The following FCHO2 variants were observed in gnomAD, a reference collection of about 807,000 sequenced individuals.
FCHO2 encodes FCH and mu domain containing endocytic adaptor 2.
Under a neutral mutation model 114.1 loss-of-function variants are expected in FCHO2, and 43 were observed. The observed-to-expected ratio is 0.38, with a 90% CI of 0.30 to 0.49. FCHO2 has a LOEUF of 0.49. Ranked by LOEUF, FCHO2 falls within the 20% of genes least tolerant of loss-of-function variation. The pLI is 0.97. For synonymous variants in FCHO2, 293 were observed against 315.2 expected (o/e 0.93, Z 0.75); for missense variants, 807 against 950.4 (o/e 0.85, Z 1.98).
chr5:73,015,241 A>G (rs1311277316), intron 6 of FCHO2, among the ~76,000 whole-genome samples: 1 of 151,892 alleles, frequency 6.6e-6, no homozygotes, highest in Non-Finnish European at 1.5e-5. Flanking sequence ...GGTAACTTGG[A>G]AAATTTGGTT....
chr5:72,960,328 C>T (rs72764829), intron 1 of FCHO2, among the ~76,000 whole-genome samples: 23,469 of 152,076 alleles, frequency 0.15, 1,896 homozygotes, highest in Middle Eastern at 0.2. Context: ...TATTCAAAAC[C>T]TTTTACAGAA....
chr5:73,052,391 A>G lies in FCHO2; in HGVS notation c.1057A>G (p.Lys353Glu). 1 of 1,608,214 alleles carries G rather than the reference A, an allele frequency of 6.2e-7. No homozygotes were observed. Among genetic ancestry groups the G allele is most frequent in the Middle Eastern group, 1.7e-4 (1 of 6,056 alleles). The stretch of plus-strand genomic sequence containing the variant: ...TTCTGACTCCGAAGATGAAGAACCA[A>G]AGAAGTATCGGATAGAAATTAAGCC... Reference protein sequence around the residue: ...SDSDSEDEEPKKYRIEIKPMH... With the variant: ...SDSDSEDEEPEKYRIEIKPMH... Residue 353 changes from lysine (K) to glutamate (E), a missense_variant, in exon 13 of 26, where the codon AAG becomes GAG. By Grantham distance (56) the Lys-to-Glu change is moderately conservative (BLOSUM62 1). Coordinates refer to ENST00000430046, the MANE Select transcript of FCHO2 (RefSeq NM_138782.3).
chr5:73,057,973 A>G (rs1757675381), intron 16 of FCHO2, among the ~76,000 whole-genome samples: 1 of 152,168 alleles, frequency 6.6e-6, no homozygotes, highest in African/African-American at 2.4e-5. Context: ...TAATTTCTAC[A>G]CATATACTAC....
chr5:73,008,220 A>G (rs1217904790), intron 6 of FCHO2, among the ~76,000 whole-genome samples: 2 of 152,192 alleles, frequency 1.3e-5, no homozygotes, highest in Non-Finnish European at 2.9e-5. Context: ...GGGATGTGAC[A>G]TGATCTGATC....
intron 1 of FCHO2, among the ~76,000 whole-genome samples, chr5:72,962,531 C>T (rs531093024): frequency 6.6e-6 from 1 of 151,914 alleles, no homozygotes; most frequent in African/African-American, 2.4e-5. Context: ...AAATAGGATC[C>T]CATGGAAACT....
chr5:73,017,100 G>T (rs958651290), intron 7 of FCHO2, 112 bp from the exon 8 acceptor site: 1 of 650,992 alleles, frequency 1.5e-6, no homozygotes, highest in Non-Finnish European at 2.4e-6. Flanking sequence ...AGGGCCTTGG[G>T]TCAAAAATAC....
intron 1 of FCHO2, 119 bp downstream of exon 1, chr5:72,956,248 T>C: frequency 7.4e-7 from 1 of 1,351,762 alleles, no homozygotes; most frequent in Non-Finnish European, 1.0e-6. Flanking sequence ...AGCGTCCTCC[T>C]GCCGCGTCCC....
intron 19 of FCHO2, among the ~76,000 whole-genome samples, chr5:73,069,742 C>T (rs1742545039): frequency 6.6e-6 from 1 of 152,022 alleles, no homozygotes; most frequent in Non-Finnish European, 1.5e-5. Context: ...CTATATGAAC[C>T]TAAACCTCAC....
chr5:73,083,312 T>C (rs917649876), intron 24 of FCHO2, among the ~76,000 whole-genome samples: 1 of 152,214 alleles, frequency 6.6e-6, no homozygotes, highest in African/African-American at 2.4e-5. Flanking sequence ...ACCTTTAGAA[T>C]GGACCAGCTG....
intron 10 of FCHO2, among the ~76,000 whole-genome samples, chr5:73,040,647 T>C (rs1188167001): frequency 6.6e-6 from 1 of 152,206 alleles, no homozygotes; most frequent in African/African-American, 2.4e-5. Context: ...GTTTATCAGT[T>C]AAATGATAGA....
chr5:73,029,220 A>G (rs1248009652), intron 8 of FCHO2, among the ~76,000 whole-genome samples: 1 of 152,236 alleles, frequency 6.6e-6, no homozygotes, highest in Admixed American at 6.5e-5. Context: ...GGGTTTTGGC[A>G]TGAGTAACTG....
chr5:73,030,671 T>C (rs911617217), intron 8 of FCHO2, among the ~76,000 whole-genome samples: 1 of 152,190 alleles, frequency 6.6e-6, no homozygotes, highest in African/African-American at 2.4e-5. Flanking sequence ...GGGAATTTGT[T>C]AAAAATGCAA....
At chr5:72,960,077 G>T (rs529202685) in intron 1 of FCHO2, among the ~76,000 whole-genome samples, 2 of 152,314 alleles carry the variant, frequency 1.3e-5, no homozygotes, top group South Asian at 4.1e-4. Context: ...ACTGTGCCCA[G>T]CCAAAGTTTT....
chr5:73,058,586 C>T, intron 17 of FCHO2, 62 bp downstream of exon 17: 2 of 745,746 alleles, frequency 2.7e-6, no homozygotes, highest in African/African-American at 3.7e-5. Flanking sequence ...TGCTTTTTCT[C>T]ATTCACTTTT....
At chr5:73,072,839 T>A (rs1742725650) in intron 19 of FCHO2, among the ~76,000 whole-genome samples, 1 of 152,056 alleles carries the variant, frequency 6.6e-6, no homozygotes, top group South Asian at 2.1e-4. Context: ...ATGAATATAA[T>A]TCATACCGGT....
intron 2 of FCHO2, among the ~76,000 whole-genome samples, chr5:72,969,937 TGGTA>T (rs1415106411): frequency 2.0e-5 from 3 of 152,328 alleles, no homozygotes; most frequent in South Asian, 2.1e-4. Context: ...GCTTGTCACT[TGGTA>T]GGCCCTCAGT....
At chr5:73,033,120 G>A (rs1019003049) in intron 8 of FCHO2, among the ~76,000 whole-genome samples, 1 of 152,076 alleles carries the variant, frequency 6.6e-6, no homozygotes, top group Non-Finnish European at 1.5e-5. Context: ...TCAGCTTCCA[G>A]ATTTGCAGAA....
chr5:73,050,649 G>T (rs1156336093), intron 11 of FCHO2, among the ~76,000 whole-genome samples: 1 of 152,022 alleles, frequency 6.6e-6, no homozygotes, highest in East Asian at 1.9e-4. Flanking sequence ...AAGACTAAGT[G>T]GTTTGTTTTA....
intron 5 of FCHO2, among the ~76,000 whole-genome samples, chr5:73,001,435 C>G (rs1165548765): frequency 8.6e-6 from 1 of 116,194 alleles, no homozygotes; most frequent in African/African-American, 3.5e-5. Flanking sequence ...GATGACAGAG[C>G]GAGATCCTGT....
Sources: allele counts gnomAD v4.1 joint callset (sites outside exome capture counted in the v4.1 genomes callset), GRCh38; gene constraint gnomAD v4.1.1; transcripts MANE v1.5; gene names NCBI Gene and HGNC (gene_info 2026-07-23, HGNC 2026-07-21).